Variants in ADAM33 observed in about 807,000 individuals in gnomAD.
The protein encoded by ADAM33 is ADAM metallopeptidase domain 33.
Under a neutral mutation model 106.2 loss-of-function variants are expected in ADAM33, and 103 were observed. The ratio of observed to expected loss-of-function variants is 0.97; its 90% CI spans 0.83 to 1.14. The LOEUF is 1.14. Among genes scored for constraint, ADAM33 ranks in the 50% most tolerant of loss-of-function variants. The pLI, the probability that ADAM33 is intolerant of heterozygous loss-of-function variation, is 0.00. For synonymous variants in ADAM33, 483 were observed against 453.0 expected (o/e 1.07, Z -0.84); for missense variants, 1,120 against 1,096.6 (o/e 1.02, Z -0.30).
chr20:3,668,884 C>T lies in ADAM33; in HGVS notation c.*79G>A. On this transcript the variant is annotated 3_prime_UTR_variant, in exon 22 of 22. Coordinates refer to ENST00000356518, the MANE Select transcript of ADAM33 (RefSeq NM_025220.5). The stretch of plus-strand genomic sequence containing the variant: ...CTGGAGGTCCGGTGATTCACTGGCT[C>T]TGCCCCTGCAGTTCAAGTTCCTGGA... 1 of 1,532,486 alleles carries T rather than the reference C, an allele frequency of 6.5e-7. No homozygotes were observed. Among genetic ancestry groups the T allele is most frequent in the South Asian group, 1.1e-5 (1 of 89,014 alleles). 94.9% of individuals were successfully genotyped at this position (1,532,486 alleles called of 1,614,324 possible). A position where few individuals can be genotyped will look rare whatever the true frequency, so the allele number is the denominator to read the frequency against.
intron 2 of ADAM33, among the ~76,000 whole-genome samples, chr20:3,679,105 G>C (rs1266240402): frequency 6.8e-6 from 1 of 147,608 alleles, no homozygotes; most frequent in Non-Finnish European, 1.5e-5. Flanking sequence ...ACATGTTCTG[G>C]TCAACTTTGC....
Position 3,673,487 on chromosome 20 carries a change from C to G in ADAM33, c.1000G>C (p.Glu334Gln), listed in dbSNP as rs774368948. 2.6e-5 allele frequency: 40 copies of G among 1,527,112 alleles called. No homozygotes were observed. The South Asian group carries it at 5.0e-4, about 19-fold the overall frequency. The allele number at this position is 1,527,112 out of a possible 1,614,324, so 94.6% of individuals were successfully genotyped here. A position where few individuals can be genotyped will look rare whatever the true frequency, so the allele number is the denominator to read the frequency against. Reference protein sequence around the residue: ...SSGGVSTDHSELPIGAAATMA... With the variant: ...SSGGVSTDHSQLPIGAAATMA... The stretch of plus-strand genomic sequence containing the variant: ...GTGGCTGCGGCGCCGATGGGGAGCT[C>G]CGAGTGGTCCTGGGGGGCCGTGGGA... The change falls in exon 11 of 22, where the codon GAG (glutamate) becomes CAG (glutamine). Residue 334 changes from glutamate to glutamine, a missense_variant. Transcript: ENST00000356518.
Position 3,671,708 on chromosome 20 carries a change from A to G in ADAM33, c.1778T>C (p.Val593Ala). ...PSLLAPHMVPVDSTVHLDGQE... is the reference protein window; with the variant it reads ...PSLLAPHMVPADSTVHLDGQE... ...GCCATCTAGGTGAACGGTAGAGTCC[A>G]CTGGCACCATGTGCGGTGCGAGCAG... Residue 593 changes from valine to alanine, a missense_variant, in exon 16 of 22, where the codon GTG (valine) becomes GCG (alanine). Coordinates refer to ENST00000356518, the MANE Select transcript of ADAM33 (RefSeq NM_025220.5). 1.3e-6 allele frequency: 2 copies of G among 1,587,556 alleles called. No individual in the cohort carries two copies. The highest frequency in any genetic ancestry group is 1.7e-6 in the Non-Finnish European group (2 of 1,166,612).
In ADAM33 at chr20:3,679,885, C is replaced by T. The variant is rs559775882; in HGVS notation, c.98-314G>A. On this transcript the variant is annotated intron_variant, in intron 1 of 21. Coordinates refer to ENST00000356518, the MANE Select transcript of ADAM33 (RefSeq NM_025220.5). ...GCGATCACAAGGAAGAGGCCAAGGC[C>T]GCCAGTGCAGAGGGGAAGGAAAGAG... is the stretch of plus-strand genomic sequence containing the variant. 5.3e-5 allele frequency among the ~76,000 whole-genome samples: 8 copies of T among 152,168 alleles called. No individual in the cohort carries two copies. In the East Asian group the frequency reaches 7.7e-4, roughly 15 times the overall value.
At chr20:3,676,687 C>T (rs1040202955) in intron 3 of ADAM33, among the ~76,000 whole-genome samples, 2 of 152,194 alleles carry the variant, frequency 1.3e-5, no homozygotes, top group Admixed American at 1.3e-4. Context: ...GAGCCGCCCG[C>T]CTCGGCCTCC....
At chr20:3,677,202 G>A (rs1207871254) in intron 2 of ADAM33, 59 bp from the exon 3 acceptor site, 6 of 1,458,474 alleles carry the variant, frequency 4.1e-6, no homozygotes, top group African/African-American at 1.4e-5. Context: ...GCCTGCCAGG[G>A]AGTAGGTGGC....
intron 2 of ADAM33, among the ~76,000 whole-genome samples, chr20:3,678,756 A>G (rs1600246590): frequency 6.6e-6 from 1 of 152,204 alleles, no homozygotes; most frequent in East Asian, 1.9e-4. Context: ...GAGCTGTGTG[A>G]CCATGGACAA....
At chr20:3,680,576 G>A (rs1316263001) in intron 1 of ADAM33, among the ~76,000 whole-genome samples, 1 of 152,208 alleles carries the variant, frequency 6.6e-6, no homozygotes, top group Admixed American at 6.5e-5. Context: ...TGAGGGCCGA[G>A]AGGAGTCTGC....
Position 3,675,578 on chromosome 20 carries a change from T to C in ADAM33, c.255-473A>G, listed in dbSNP as rs1372848119. 1.3e-5 allele frequency among the ~76,000 whole-genome samples: 2 copies of C among 151,964 alleles called. No individual in the cohort carries two copies. The highest frequency in any genetic ancestry group is 4.8e-5 in the African/African-American group (2 of 41,348). ...CCACCTGCCCTAGATCCTTGAAATA[T>C]TTTCCTCAGACTTCTAGACCCCACA... is the stretch of plus-strand genomic sequence containing the variant. On this transcript the variant is annotated intron_variant, in intron 3 of 21. Transcript: ENST00000356518. The surrounding 1 kb of genome is among the most constrained non-coding windows in gnomAD (Gnocchi z 4.1).
At chr20:3,669,165 C>T in intron 21 of ADAM33, 134 bp downstream of exon 21, 1 of 1,199,238 alleles carries the variant, frequency 8.3e-7, no homozygotes, top group East Asian at 2.4e-5. Context: ...TGCATGATAA[C>T]CAAGAGGTCA....
rs677044 is a variant in ADAM33, at chr20:3,668,784, A to G, written c.*179T>C. On this transcript the variant is annotated 3_prime_UTR_variant, in exon 22 of 22. Coordinates refer to ENST00000356518, the MANE Select transcript of ADAM33 (RefSeq NM_025220.5). ...GTTCTCCAGCCCTCAGGAACTTCTA[A>G]TGTGGCTCTGGGTTCCTGGAGTGGG... 155,207 of 712,174 alleles carry G rather than the reference A, an allele frequency of 0.22. 17,916 individuals are homozygous for G. Among genetic ancestry groups the G allele is most frequent in the African/African-American group, 0.32 (18,395 of 57,302 alleles). 44.1% of individuals were successfully genotyped at this position (712,174 alleles called of 1,614,324 possible). A position where few individuals can be genotyped will look rare whatever the true frequency, so the allele number is the denominator to read the frequency against.
Position 3,674,232 on chromosome 20 carries a change from G to C in ADAM33, c.653C>G (p.Ala218Gly). The C allele has an allele frequency of 1.2e-6, 2 of 1,614,116 alleles. No individual in the cohort carries two copies. Among genetic ancestry groups the C allele is most frequent in the African/African-American group, 2.7e-5 (2 of 75,064 alleles). The change falls in exon 7 of 22, where the codon GCA (alanine) becomes GGA (glycine). Residue 218 changes from alanine (A) to glycine (G), a missense_variant. By Grantham distance (60) the Ala-to-Gly change is moderately conservative. Transcript: ENST00000356518. Reference sequence around the variant, plus strand: ...GTCTCTCCTCACCAGGGTGTGGTCTGCCACAATGTACAGTTCCAGGTACTT... The same window carrying C: ...GTCTCTCCTCACCAGGGTGTGGTCTCCCACAATGTACAGTTCCAGGTACTT... The part of the protein sequence containing the change: ...TRKYLELYIV[A>G]DHTLFLTRHR...
rs2087580652 is a variant in ADAM33 at position 3,672,154 on chromosome 20, C to CA, written c.1576dup (p.Cys526LeufsTer109). The CA allele has an allele frequency of 1.2e-6, 2 of 1,611,978 alleles. No individual in the cohort carries two copies. The highest frequency in any genetic ancestry group is 1.7e-6 in the Non-Finnish European group (2 of 1,179,208). ...CTCACCAGGCCCCCAGAGCTGCTGG[C>CA]ACTGCTGCTCCAGCGTGGGACATGC... On this transcript the variant is annotated frameshift_variant, in exon 14 of 22. Coordinates refer to ENST00000356518, the MANE Select transcript of ADAM33 (RefSeq NM_025220.5). LOFTEE classifies it high-confidence loss of function.
In ADAM33 at chr20:3,671,091, C is replaced by G. The variant is rs1465838742; in HGVS notation, c.2155G>C (p.Gly719Arg). Residue 719 changes from glycine (G) to arginine (R), a missense_variant, in exon 19 of 22, where the codon GGC (glycine) becomes CGC (arginine). Transcript: ENST00000356518. ...SVLLPLLPGAGLAWCCYRLPG... is the reference protein window; with the variant it reads ...SVLLPLLPGARLAWCCYRLPG... ...AGTCGGTAGCAACACCAGGCCAGGC[C>G]GGCCCCTGGGAGCAGAGGCAGCAGG... 4 of 1,590,560 alleles carry G rather than the reference C, an allele frequency of 2.5e-6. No homozygotes were observed. The highest frequency in any genetic ancestry group is 3.4e-6 in the Non-Finnish European group (4 of 1,168,512).
rs755653913 is a variant in ADAM33 at position 3,668,536 on chromosome 20, G to A, written c.*427C>T. 6 of 225,268 alleles carry A rather than the reference G, an allele frequency of 2.7e-5. No homozygotes were observed. The highest frequency in any genetic ancestry group is 9.9e-5 in the East Asian group (1 of 10,110). 14.0% of individuals were successfully genotyped at this position (225,268 alleles called of 1,614,324 possible). ...GCTCCAGGGGAGTGTGGACTCAGTC[G>A]AACCATAGGGCCCCAGGACCACTAG... On this transcript the variant is annotated 3_prime_UTR_variant, in exon 22 of 22. Transcript: ENST00000356518.
Position 3,674,789 on chromosome 20 carries a change from T to G in ADAM33, c.394A>C (p.Thr132Pro). 6.2e-7 allele frequency: 1 copy of G among 1,610,066 alleles called. No homozygotes were observed. The highest frequency in any genetic ancestry group is 1.7e-4 in the Middle Eastern group (1 of 6,038). ...GFPDSWVVLC[T>P]CSGMSGLITL... ...AGAGCTCACCTCATCCCAGAGCAGG[T>G]GCAGAGGACTACCCAGGAGTCGGGG... Residue 132 changes from threonine (T) to proline (P), a missense_variant, in exon 5 of 22, where the codon ACC becomes CCC. Thr to Pro is a conservative substitution (Grantham distance 38). Coordinates refer to ENST00000356518, the MANE Select transcript of ADAM33 (RefSeq NM_025220.5).
intron 1 of ADAM33, among the ~76,000 whole-genome samples, chr20:3,681,325 C>T (rs942703664): frequency 6.6e-6 from 1 of 152,200 alleles, no homozygotes; most frequent in Non-Finnish European, 1.5e-5. Context: ...CTGGAGAGGC[C>T]CTTCTCTATC....
intron 13 of ADAM33, 49 bp from the exon 14 acceptor site, chr20:3,672,378 TGA>T (rs1317450352): frequency 1.9e-6 from 3 of 1,598,236 alleles, no homozygotes; most frequent in Admixed American, 3.4e-5. Context: ...CCACGTGCAG[TGA>T]GAGGTCCATG....
In ADAM33 at chr20:3,673,178, A is replaced by G. The variant is rs7267301; in HGVS notation, c.1133+176T>C. 7.7e-3 allele frequency: 11,630 copies of G among 1,517,754 alleles called. 61 individuals carry two copies. Among genetic ancestry groups the G allele is most frequent in the Non-Finnish European group, 9.4e-3 (10,635 of 1,137,258 alleles). The allele number at this position is 1,517,754 out of a possible 1,614,324, so 94.0% of individuals were successfully genotyped here. ...GGAAAATAATCTTCATACCGTTGAG[A>G]ATCCACTTTGCCTGAGCTTCTTCCC... On this transcript the variant is annotated intron_variant, in intron 11 of 21. Coordinates refer to ENST00000356518, the MANE Select transcript of ADAM33 (RefSeq NM_025220.5).
Sources: gnomAD v4.1 joint callset for allele counts (sites outside exome capture counted in the v4.1 genomes callset) on GRCh38, gnomAD v4.1.1 for gene constraint, Gnocchi (gnomAD v3.1) non-coding constraint, MANE v1.5 for transcripts, NCBI Gene and HGNC (gene_info 2026-07-23, HGNC 2026-07-21) for gene names.